The following RERE variants were observed in gnomAD, a reference collection of about 807,000 sequenced individuals.
RERE encodes the protein arginine-glutamic acid dipeptide repeats.
In RERE, 40 loss-of-function variants were observed where a neutral mutation model predicts 146.1. That is an observed-to-expected ratio of 0.27 (90% CI 0.21 to 0.36). The LOEUF (loss-of-function observed/expected upper bound fraction) is 0.36. RERE is among the 10% of genes least tolerant of loss of function. RERE has a pLI of 1.00. For missense variants in RERE, 1,933 were observed against 2,138.7 expected (o/e 0.90, Z 1.90); for synonymous variants, 1,003 against 866.0 (o/e 1.16, Z -2.78).
intron 1 of RERE, among the ~76,000 whole-genome samples, chr1:8,673,390 C>T (rs540554550): frequency 6.6e-6 from 1 of 152,306 alleles, no homozygotes; most frequent in East Asian, 1.9e-4. Flanking sequence ...GCCACTGTGC[C>T]CAGCCAGGAG....
At chr1:8,663,365 A>G (rs537780850) in intron 1 of RERE, among the ~76,000 whole-genome samples, 42 of 152,258 alleles carry the variant, frequency 2.8e-4, no homozygotes, top group African/African-American at 9.9e-4. Context: ...CAACCACAGT[A>G]AGACATACTT....
At position 8,388,383 on chromosome 1, in the gene RERE, A is replaced by C. The variant is rs554351546; in HGVS notation, c.1285-22409T>G. On this transcript the variant is annotated intron_variant, in intron 12 of 22. Transcript: ENST00000400908. ...GCTGGACTGCGGACTGCAGTGGCGC[A>C]ATCTCGGCTCACTGCAAGCTCCGCT... 4.6e-5 allele frequency among the ~76,000 whole-genome samples: 7 copies of C among 151,204 alleles called. No homozygotes were observed. The East Asian group carries it at 7.8e-4, about 17-fold the overall frequency.
At chr1:8,703,231 G>A (rs555773437) in intron 1 of RERE, 5 of 150,662 alleles carry the variant, frequency 3.3e-5, no homozygotes, top group East Asian at 1.9e-4. Flanking sequence ...AGGGCACCGC[G>A]GCGCGGGCGC....
intron 10 of RERE, among the ~76,000 whole-genome samples, chr1:8,466,921 G>A (rs988136203): frequency 2.0e-5 from 3 of 152,172 alleles, no homozygotes; most frequent in African/African-American, 7.2e-5. Context: ...CAGGTACAAA[G>A]ATCCTCCTGC....
chr1:8,535,882 C>T (rs1433060854), intron 7 of RERE, among the ~76,000 whole-genome samples: 1 of 151,922 alleles, frequency 6.6e-6, no homozygotes. Context: ...CTGAGGAGGG[C>T]AGATCACGAG....
At chr1:8,564,147 T>C (rs984212794) in intron 4 of RERE, among the ~76,000 whole-genome samples, 1 of 152,188 alleles carries the variant, frequency 6.6e-6, no homozygotes, top group Non-Finnish European at 1.5e-5. Context: ...CATTCCTGAC[T>C]TCAAGGGAGA....
chr1:8,508,546 G>T lies in RERE; in HGVS notation c.879+81C>A. The T allele has an allele frequency of 3.7e-6, 4 of 1,079,442 alleles. No homozygotes were observed. The South Asian group carries it at 5.3e-5, about 14-fold the overall frequency. The allele number at this position is 1,079,442 out of a possible 1,614,324, so 66.9% of individuals were successfully genotyped here. On this transcript the variant is annotated intron_variant, in intron 8 of 22. Coordinates refer to ENST00000400908, the MANE Select transcript of RERE (RefSeq NM_001042681.2). ...CCCGATAGCAATAACCACATTCTAA[G>T]ATGCTGCGCAACAGAATAAAGTGCC...
intron 7 of RERE, among the ~76,000 whole-genome samples, chr1:8,538,056 T>C (rs531006093): frequency 1.3e-5 from 2 of 152,364 alleles, no homozygotes; most frequent in South Asian, 4.1e-4. Flanking sequence ...CACTTTCAAC[T>C]GCTCACTTAA....
At chr1:8,740,070 A>C (rs560014556) in intron 1 of RERE, among the ~76,000 whole-genome samples, 61 of 152,128 alleles carry the variant, frequency 4.0e-4, no homozygotes, top group Middle Eastern at 3.4e-3. Flanking sequence ...TCTTGCTCCA[A>C]GTTACTTGCC....
rs1042611734 is a variant in RERE, at chr1:8,354,544, T to C, written c.*543A>G. 4 of 152,292 alleles carry C rather than the reference T, an allele frequency of 2.6e-5. No homozygotes were observed. The highest frequency in any genetic ancestry group is 9.6e-5 in the African/African-American group (4 of 41,452). The allele number at this position is 152,292 out of a possible 1,614,324, so 9.4% of individuals were successfully genotyped here. ...GAAGAAAAAAAGGCTGTTCTAAAAT[T>C]ATTTATTTACAGACGTAAAAAGCCA... is the stretch of plus-strand genomic sequence containing the variant. On this transcript the variant is annotated 3_prime_UTR_variant, in exon 23 of 23. Coordinates refer to ENST00000400908, the MANE Select transcript of RERE (RefSeq NM_001042681.2).
At chr1:8,701,892 T>C (rs1639459347) in intron 1 of RERE, among the ~76,000 whole-genome samples, 2 of 152,194 alleles carry the variant, frequency 1.3e-5, no homozygotes, top group East Asian at 1.9e-4. Flanking sequence ...CTAGGCAATG[T>C]AAATATTCAG....
intron 4 of RERE, among the ~76,000 whole-genome samples, chr1:8,598,911 A>C (rs573381030): frequency 6.6e-6 from 1 of 152,306 alleles, no homozygotes; most frequent in East Asian, 1.9e-4. Context: ...ATACCACAGC[A>C]CTGACTTCAA....
intron 3 of RERE, among the ~76,000 whole-genome samples, chr1:8,622,485 TTAAAAAAAAAAA>T (rs749716520): frequency 2.6e-4 from 18 of 69,404 alleles, no homozygotes; most frequent in Admixed American, 1.3e-3. Context: ...CTGTATCTGT[TTAAAAAAAAAAA>T]AAAAAAAAAA....
At chr1:8,359,638 A>T in intron 19 of RERE, 126 bp downstream of exon 19, 2 of 1,074,646 alleles carry the variant, frequency 1.9e-6, no homozygotes, top group Admixed American at 3.7e-5. Flanking sequence ...TGTAAATAGC[A>T]CCCAACCCTC....
chr1:8,463,518 G>A (rs1226776213), intron 11 of RERE, among the ~76,000 whole-genome samples: 3 of 152,200 alleles, frequency 2.0e-5, no homozygotes, highest in Non-Finnish European at 4.4e-5. Context: ...ACAATCAACA[G>A]CTGCCTGATG....
chr1:8,578,559 A>G (rs1646324732), intron 4 of RERE, among the ~76,000 whole-genome samples: 1 of 152,188 alleles, frequency 6.6e-6, no homozygotes, highest in South Asian at 2.1e-4. Context: ...AATGTCATTT[A>G]TATTATATAG....
chr1:8,448,640 A>G (rs538389470), intron 11 of RERE, among the ~76,000 whole-genome samples: 1 of 152,208 alleles, frequency 6.6e-6, no homozygotes, highest in African/African-American at 2.4e-5. Flanking sequence ...AGGAAACGTC[A>G]TTGAAGAAAC....
chr1:8,377,395 T>G (rs1244547950), intron 12 of RERE, among the ~76,000 whole-genome samples: 2 of 152,228 alleles, frequency 1.3e-5, no homozygotes, highest in Non-Finnish European at 2.9e-5. Context: ...AAAAATCTTG[T>G]TTTCTCGGTA....
At chr1:8,531,448 A>C (rs56724019) in intron 7 of RERE, among the ~76,000 whole-genome samples, 249 of 151,872 alleles carry the variant, frequency 1.6e-3, no homozygotes, top group East Asian at 3.9e-3. Context: ...ACCTCAACAA[A>C]AAAAAAAAAC....
Sources: gnomAD v4.1 joint callset for allele counts (sites outside exome capture counted in the v4.1 genomes callset) on GRCh38, gnomAD v4.1.1 for gene constraint, MANE v1.5 for transcripts, NCBI Gene and HGNC (gene_info 2026-07-23, HGNC 2026-07-21) for gene names.